SMC6: variants seen among roughly 807,000 people sequenced by gnomAD.
SMC6 encodes structural maintenance of chromosomes protein 6.
In SMC6, 79 loss-of-function variants were observed where a neutral mutation model predicts 142.2. The observed-to-expected ratio is 0.56, with a 90% CI of 0.46 to 0.67. The LOEUF is 0.67. Among genes scored for constraint, SMC6 ranks in the 30% least tolerant of loss-of-function variants. The pLI is 0.00. For missense variants in SMC6, 1,072 were observed against 1,284.0 expected (o/e 0.83, Z 2.52); for synonymous variants, 411 against 412.4 (o/e 1.00, Z 0.04).
rs1278894105 is a variant in SMC6, at chr2:17,678,860, G to A, written c.2909C>T (p.Ser970Leu). The A allele has an allele frequency of 6.4e-7, 1 of 1,574,564 alleles. No homozygotes were observed. Among genetic ancestry groups the A allele is most frequent in the Non-Finnish European group, 8.7e-7 (1 of 1,147,450 alleles). Reference sequence around the variant, plus strand: ...GATGAAAAGAATTAGGATACTTACTGATATACTTAGAGTTTCATTCTTGTG... The same window carrying A: ...GATGAAAAGAATTAGGATACTTACTAATATACTTAGAGTTTCATTCTTGTG... ...FDHKNETLSI[S>L]VQPGEGNKAA... The change falls in exon 25 of 28, where the codon TCA (serine) becomes TTA (leucine). Residue 970 changes from serine (S) to leucine (L), a missense_variant and splice_region_variant. By Grantham distance (145) the Ser-to-Leu change is moderately radical. Coordinates refer to ENST00000448223, the MANE Select transcript of SMC6 (RefSeq NM_001142286.2).
chr2:17,740,149 T>C (rs1250283385), intron 4 of SMC6, among the ~76,000 whole-genome samples: 1 of 152,218 alleles, frequency 6.6e-6, no homozygotes, highest in Non-Finnish European at 1.5e-5. Context: ...TTAGGTTTTA[T>C]TAATAAAAAT....
At chr2:17,712,537 T>C (rs190775977) in intron 16 of SMC6, among the ~76,000 whole-genome samples, 204 of 152,256 alleles carry the variant, frequency 1.3e-3, no homozygotes, top group Non-Finnish European at 2.4e-3. Flanking sequence ...AACAAGACCA[T>C]CTTTACAGGA....
chr2:17,718,691 G>C (rs1482784650), intron 11 of SMC6, among the ~76,000 whole-genome samples: 3 of 152,178 alleles, frequency 2.0e-5, no homozygotes, highest in Non-Finnish European at 4.4e-5. Flanking sequence ...AATAAGTTGA[G>C]GAAGGTGTTA....
At chr2:17,745,041 G>A (rs1219595719) in intron 3 of SMC6, among the ~76,000 whole-genome samples, 2 of 152,114 alleles carry the variant, frequency 1.3e-5, no homozygotes, top group Admixed American at 6.5e-5. Flanking sequence ...AGTGGATTTT[G>A]GTCTGAAGCG....
intron 23 of SMC6, among the ~76,000 whole-genome samples, chr2:17,694,366 G>C (rs902001365): frequency 1.3e-5 from 2 of 152,186 alleles, no homozygotes; most frequent in Admixed American, 1.3e-4. Context: ...ATAAATGTTC[G>C]AGGTGATGAA....
intron 25 of SMC6, among the ~76,000 whole-genome samples, chr2:17,673,562 AT>A (rs1553308419): frequency 4.0e-5 from 6 of 149,272 alleles, no homozygotes; most frequent in East Asian, 4.0e-4. Context: ...TTAAAAAAAA[AT>A]TTTTTTTTTT....
intron 2 of SMC6, among the ~76,000 whole-genome samples, chr2:17,749,693 GA>G (rs965812241): frequency 5.4e-5 from 8 of 147,824 alleles, no homozygotes; most frequent in African/African-American, 1.7e-4. Context: ...GTCTCAAAAA[GA>G]AAAAAAAAAT....
At chr2:17,731,171 CTG>C (rs1558370802) in intron 6 of SMC6, 32 bp from the exon 7 acceptor site, 2 of 1,506,334 alleles carry the variant, frequency 1.3e-6, no homozygotes, top group Admixed American at 3.5e-5. Flanking sequence ...AATAACCAAA[CTG>C]TTTCTAGGGC....
chr2:17,670,150 G>A (rs1666687852), intron 26 of SMC6, among the ~76,000 whole-genome samples: 1 of 152,182 alleles, frequency 6.6e-6, no homozygotes. Context: ...GAGAGAGGGT[G>A]AGGGAGAAAA....
intron 25 of SMC6, among the ~76,000 whole-genome samples, chr2:17,671,173 C>A (rs988080221): frequency 2.6e-5 from 4 of 151,912 alleles, no homozygotes; most frequent in Non-Finnish European, 5.9e-5. Flanking sequence ...CACACCTAAC[C>A]CTGAAACTTA....
In SMC6 at chr2:17,679,124, CT is replaced by C. The variant is rs1667130499; in HGVS notation, c.2805-161del. 1.7e-5 allele frequency: 9 copies of C among 517,290 alleles called. No individual in the cohort carries two copies. In the South Asian group the frequency reaches 2.9e-4, roughly 17 times the overall value. The allele number at this position is 517,290 out of a possible 1,614,324, so 32.0% of individuals were successfully genotyped here. A position where few individuals can be genotyped will look rare whatever the true frequency, so the allele number is the denominator to read the frequency against. ...TTGAGTTTTAGGTAGTATTTTTTGC[CT>C]TGTGTCTTTATATTCATTTATGTCC... On this transcript the variant is annotated intron_variant, in intron 24 of 27. Transcript: ENST00000448223.
Position 17,736,725 on chromosome 2 carries a change from T to A in SMC6, c.344+1496A>T, listed in dbSNP as rs1030421832. ...TCGCTACTAAAAAAAAAAAAAAAAA[T>A]TAGCCAGGCGTTGTGGCATGGCTGT... is the stretch of plus-strand genomic sequence containing the variant. On this transcript the variant is annotated intron_variant, in intron 5 of 27. Coordinates refer to ENST00000448223, the MANE Select transcript of SMC6 (RefSeq NM_001142286.2). 1.1e-4 allele frequency among the ~76,000 whole-genome samples: 16 copies of A among 148,792 alleles called. No homozygotes were observed. In the East Asian group the frequency reaches 3.2e-3, roughly 29 times the overall value.
intron 23 of SMC6, among the ~76,000 whole-genome samples, chr2:17,691,230 G>GTA (rs1302036215): frequency 2.6e-5 from 2 of 77,650 alleles, no homozygotes; most frequent in South Asian, 4.0e-4. Flanking sequence ...AGAAAAATGT[G>GTA]TATACACACA....
rs1240016033 is a variant in SMC6, at chr2:17,693,698, T to TA, written c.2678+1453dup. On this transcript the variant is annotated intron_variant, in intron 23 of 27. Transcript: ENST00000448223. ...AAAGTATAATAATAAAAATAAAAAA[T>TA]AAAAAAAAAGAATGAGGCCAGGCGT... Among the ~76,000 whole-genome samples the TA allele has an allele frequency of 4.0e-5, 6 of 149,660 alleles. No homozygotes were observed. In the East Asian group the frequency reaches 1.2e-3, roughly 29 times the overall value.
intron 16 of SMC6, among the ~76,000 whole-genome samples, chr2:17,712,312 GA>G (rs937695039): frequency 6.6e-5 from 10 of 152,178 alleles, no homozygotes; most frequent in African/African-American, 2.4e-4. Context: ...AAAACAGAGA[GA>G]AAATTTAACA....
intron 2 of SMC6, among the ~76,000 whole-genome samples, chr2:17,751,258 A>G (rs1671019555): frequency 6.6e-6 from 1 of 151,944 alleles, no homozygotes; most frequent in East Asian, 1.9e-4. Context: ...AGATGGATGG[A>G]TCACTTGAGG....
intron 3 of SMC6, among the ~76,000 whole-genome samples, chr2:17,742,307 G>A (rs545346449): frequency 7.2e-5 from 11 of 152,272 alleles, no homozygotes; most frequent in African/African-American, 2.6e-4. Context: ...AGAGAGCAGA[G>A]TACATGTTCT....
intron 21 of SMC6, among the ~76,000 whole-genome samples, chr2:17,697,013 A>G (rs1204400136): frequency 6.6e-6 from 1 of 152,172 alleles, no homozygotes; most frequent in Non-Finnish European, 1.5e-5. Context: ...AGGAACACTC[A>G]TAATTACTTG....
At chr2:17,742,187 T>C (rs150136900) in intron 3 of SMC6, among the ~76,000 whole-genome samples, 1 of 152,328 alleles carries the variant, frequency 6.6e-6, no homozygotes, top group Non-Finnish European at 1.5e-5. Context: ...TGCTATCCAA[T>C]TGGCATAGTA....
Sources: allele counts gnomAD v4.1 joint callset (sites outside exome capture counted in the v4.1 genomes callset), GRCh38; gene constraint gnomAD v4.1.1; transcripts MANE v1.5; gene names NCBI Gene and HGNC (gene_info 2026-07-23, HGNC 2026-07-21).